The following PDE7B variants were observed in gnomAD, a reference collection of about 807,000 sequenced individuals.
PDE7B encodes phosphodiesterase 7B.
PDE7B carries 29 observed loss-of-function variants against 56.2 expected under a neutral mutation model. The ratio of observed to expected loss-of-function variants is 0.52; its 90% CI spans 0.38 to 0.70. PDE7B has a LOEUF of 0.70. Among genes scored for constraint, PDE7B ranks in the 30% least tolerant of loss-of-function variants. The pLI is 0.00. For missense variants in PDE7B, 490 were observed against 565.0 expected, an observed-to-expected ratio of 0.87 and a Z score of 1.35; for synonymous variants, 197 against 196.9, an observed-to-expected ratio of 1.00 and a Z score of 0.00.
intron 2 of PDE7B, among the ~76,000 whole-genome samples, chr6:136,061,916 C>A (rs889396391): frequency 1.3e-5 from 2 of 152,170 alleles, no homozygotes; most frequent in African/African-American, 4.8e-5. Context: ...TAGTACAATT[C>A]CTGGTACATT....
chr6:135,948,514 T>C (rs1032030928), intron 2 of PDE7B, among the ~76,000 whole-genome samples: 1 of 151,968 alleles, frequency 6.6e-6, no homozygotes, highest in Non-Finnish European at 1.5e-5. Context: ...ATCTTGGTAA[T>C]TTATAATTCA....
At chr6:135,991,375 T>C (rs888938838) in intron 2 of PDE7B, among the ~76,000 whole-genome samples, 1 of 152,176 alleles carries the variant, frequency 6.6e-6, no homozygotes, top group African/African-American at 2.4e-5. Context: ...AATTAATACA[T>C]ATTTCAGAAC....
intron 1 of PDE7B, among the ~76,000 whole-genome samples, chr6:135,907,881 T>A (rs1025963325): frequency 2.0e-5 from 3 of 152,080 alleles, no homozygotes; most frequent in Non-Finnish European, 4.4e-5. Context: ...AGGGAGGAAA[T>A]GGGCAAAAGA....
At chr6:136,119,020 G>C (rs1417362852) in intron 3 of PDE7B, among the ~76,000 whole-genome samples, 1 of 152,166 alleles carries the variant, frequency 6.6e-6, no homozygotes, top group East Asian at 1.9e-4. Flanking sequence ...AAAGGGCGTG[G>C]TGGTGACAAC....
chr6:136,043,594 A>C (rs1776448627), intron 2 of PDE7B, among the ~76,000 whole-genome samples: 1 of 150,240 alleles, frequency 6.7e-6, no homozygotes, highest in Admixed American at 6.7e-5. Flanking sequence ...AAAAAAAAAA[A>C]AGTGCCTAGA....
chr6:135,956,208 C>T (rs1345783900), intron 2 of PDE7B, among the ~76,000 whole-genome samples: 1 of 151,900 alleles, frequency 6.6e-6, no homozygotes, highest in Non-Finnish European at 1.5e-5. Context: ...CTTAGCCTAA[C>T]TAGGTAGGAG....
chr6:136,018,561 G>GA (rs1174022244), intron 2 of PDE7B, among the ~76,000 whole-genome samples: 1 of 152,052 alleles, frequency 6.6e-6, no homozygotes, highest in Non-Finnish European at 1.5e-5. Context: ...AAAGTTAAAG[G>GA]AAAATCTTGG....
intron 1 of PDE7B, among the ~76,000 whole-genome samples, chr6:135,860,881 A>G (rs1021574310): frequency 1.3e-5 from 2 of 151,886 alleles, no homozygotes; most frequent in African/African-American, 4.8e-5. Context: ...TATAGCACAC[A>G]TAACAGAAAA....
chr6:136,130,042 T>C (rs1232798642), intron 3 of PDE7B, among the ~76,000 whole-genome samples: 4 of 152,202 alleles, frequency 2.6e-5, no homozygotes, highest in South Asian at 2.1e-4. Flanking sequence ...TATAGGTGTA[T>C]GTAAGCTTGT....
intron 3 of PDE7B, among the ~76,000 whole-genome samples, chr6:136,130,532 A>AT (rs1370402736): frequency 6.6e-6 from 1 of 152,030 alleles, no homozygotes; most frequent in East Asian, 1.9e-4. Flanking sequence ...TCTTGCTCAT[A>AT]TTTTTTGCTT....
At chr6:136,190,936 T>C (rs1779211590) in intron 12 of PDE7B, among the ~76,000 whole-genome samples, 1 of 151,818 alleles carries the variant, frequency 6.6e-6, no homozygotes, top group Admixed American at 6.6e-5. Context: ...CTGATCTAAA[T>C]TCGTGAGGTG....
chr6:135,946,915 T>C (rs2128199384), intron 1 of PDE7B, among the ~76,000 whole-genome samples: 1 of 152,214 alleles, frequency 6.6e-6, no homozygotes. Flanking sequence ...AACTAAGATA[T>C]AGATAAGAAA....
In PDE7B at chr6:135,924,675, C is replaced by G. The variant is rs369756560; in HGVS notation, c.22-22789C>G. The stretch of plus-strand genomic sequence containing the variant: ...GTCACCTCTAAGTATTTTTGTTTTT[C>G]TTTTTTTTTTTTTGAGTGGCAGAAT... On this transcript the variant is annotated intron_variant, in intron 1 of 12. Transcript: ENST00000308191. 9.7e-5 allele frequency among the ~76,000 whole-genome samples: 8 copies of G among 82,720 alleles called. No homozygotes were observed. In the East Asian group the frequency reaches 1.2e-3, roughly 12 times the overall value. The allele number at this position is 82,720 out of a possible 152,430, so 54.3% of individuals were successfully genotyped here.
rs542961547 is a variant in PDE7B at position 136,114,383 on chromosome 6, ATTCT to A, written c.166+5576_166+5579del. Among the ~76,000 whole-genome samples the A allele has an allele frequency of 9.9e-5, 15 of 152,238 alleles. 1 individual carries two copies. In the South Asian group the frequency reaches 3.1e-3, roughly 32 times the overall value. ...CTAAAACATATTATACCCTGCAGCC[ATTCT>A]TTCTTTGACATATAAAACACACTCT... On this transcript the variant is annotated intron_variant, in intron 3 of 12. Transcript: ENST00000308191.
At chr6:136,126,667 T>C (rs1325347114) in intron 3 of PDE7B, among the ~76,000 whole-genome samples, 8 of 152,122 alleles carry the variant, frequency 5.3e-5, no homozygotes, top group African/African-American at 1.9e-4. Context: ...CTGGATGGGA[T>C]TGGAGGCAAT....
intron 2 of PDE7B, among the ~76,000 whole-genome samples, chr6:136,060,022 T>A (rs1280776559): frequency 6.6e-6 from 1 of 152,206 alleles, no homozygotes; most frequent in Non-Finnish European, 1.5e-5. Context: ...CATGAAGAAC[T>A]AAGTAAAATT....
At chr6:136,024,959 T>C (rs1776127991) in intron 2 of PDE7B, among the ~76,000 whole-genome samples, 1 of 152,190 alleles carries the variant, frequency 6.6e-6, no homozygotes, top group Admixed American at 6.5e-5. Context: ...GACCAATCTG[T>C]TTTATTTGCA....
At chr6:136,177,351 T>C (rs925325378) in intron 9 of PDE7B, among the ~76,000 whole-genome samples, 2 of 151,994 alleles carry the variant, frequency 1.3e-5, no homozygotes, top group Non-Finnish European at 2.9e-5. Flanking sequence ...ACTTCATCAA[T>C]AGACATCATA....
At chr6:135,886,855 T>C (rs1468700743) in intron 1 of PDE7B, among the ~76,000 whole-genome samples, 1 of 152,194 alleles carries the variant, frequency 6.6e-6, no homozygotes, top group Non-Finnish European at 1.5e-5. Flanking sequence ...TTTTGTATAA[T>C]GACTTCTTTT....
Sources: gnomAD v4.1 joint callset for allele counts (sites outside exome capture counted in the v4.1 genomes callset) on GRCh38, gnomAD v4.1.1 for gene constraint, MANE v1.5 for transcripts, NCBI Gene and HGNC (gene_info 2026-07-23, HGNC 2026-07-21) for gene names.